The following ALKBH3 variants were observed in gnomAD, a reference collection of about 807,000 sequenced individuals.
The protein encoded by ALKBH3 is alpha-ketoglutarate-dependent dioxygenase alkB homolog 3.
Under a neutral mutation model 43.9 loss-of-function variants are expected in ALKBH3, and 51 were observed. That is an observed-to-expected ratio of 1.16 (90% CI 0.93 to 1.47). ALKBH3 has a LOEUF of 1.47. ALKBH3 is among the 40% of genes most tolerant of loss of function. The pLI is 0.00. For missense variants in ALKBH3, 361 were observed against 351.9 expected (o/e 1.03, Z -0.21); for synonymous variants, 102 against 115.2 (o/e 0.89, Z 0.73).
At chr11:43,884,050 C>T in intron 4 of ALKBH3, 33 bp downstream of exon 4, 2 of 1,612,556 alleles carry the variant, frequency 1.2e-6, no homozygotes, top group Non-Finnish European at 8.5e-7. Flanking sequence ...GTAATTGTTG[C>T]CCACAGTGAA....
chr11:43,896,611 G>T (rs964196332), intron 7 of ALKBH3, among the ~76,000 whole-genome samples: 2 of 152,088 alleles, frequency 1.3e-5, no homozygotes. Flanking sequence ...ATCTCTTTTT[G>T]CAACACCCTC....
At chr11:43,907,220 TGTGTGTGTGC>T (rs1951902017) in intron 8 of ALKBH3, among the ~76,000 whole-genome samples, 1 of 151,898 alleles carries the variant, frequency 6.6e-6, no homozygotes, top group African/African-American at 2.4e-5. Flanking sequence ...AGAGTGTGTG[TGTGTGTGTGC>T]GTGTGTGTGT....
Position 43,882,598 on chromosome 11 carries a change from T to A in ALKBH3, c.-55T>A, listed in dbSNP as rs578010060. ...TAATAAACAGATACCATGGAGTAGT[T>A]TGAAACAGGAACAAAATCTTCTGAA... On this transcript the variant is annotated 5_prime_UTR_variant, in exon 2 of 10. It adds an upstream start codon to the 5' untranslated region. Transcript: ENST00000302708. The A allele has an allele frequency of 3.7e-5, 57 of 1,553,228 alleles. No individual in the cohort carries two copies. The Admixed American group carries it at 7.8e-4, about 21-fold the overall frequency.
intron 8 of ALKBH3, among the ~76,000 whole-genome samples, chr11:43,911,309 G>T (rs182447026): frequency 2.6e-5 from 4 of 152,160 alleles, no homozygotes; most frequent in Non-Finnish European, 5.9e-5. Flanking sequence ...TAGATGTGGG[G>T]GTAAGGATCC....
intron 8 of ALKBH3, among the ~76,000 whole-genome samples, chr11:43,915,049 T>C (rs12223973): frequency 6.7e-6 from 1 of 149,636 alleles, no homozygotes; most frequent in Non-Finnish European, 1.5e-5. Context: ...CTACTAAAAA[T>C]AAAAAAAAAT....
chr11:43,913,143 G>A (rs1318020842), intron 8 of ALKBH3, among the ~76,000 whole-genome samples: 1 of 149,958 alleles, frequency 6.7e-6, no homozygotes, highest in African/African-American at 2.5e-5. Context: ...CGACAAACTT[G>A]GTCATGGTAC....
chr11:43,902,344 TATA>T (rs1951869109), intron 8 of ALKBH3, among the ~76,000 whole-genome samples: 1 of 152,186 alleles, frequency 6.6e-6, no homozygotes, highest in African/African-American at 2.4e-5. Context: ...TTAATAACGA[TATA>T]ATAACTTCAG....
At chr11:43,905,917 G>C (rs1210334559) in intron 8 of ALKBH3, among the ~76,000 whole-genome samples, 1 of 152,200 alleles carries the variant, frequency 6.6e-6, no homozygotes, top group Non-Finnish European at 1.5e-5. Context: ...CTATTTCTCT[G>C]TCGGTTACCA....
At chr11:43,893,253 G>A (rs1028388719) in intron 7 of ALKBH3, among the ~76,000 whole-genome samples, 47 of 152,260 alleles carry the variant, frequency 3.1e-4, no homozygotes, top group African/African-American at 1.1e-3. Context: ...CCCTTGCATT[G>A]TAGGATGTTT....
chr11:43,886,679 C>G (rs1189533350), intron 5 of ALKBH3, 26 bp downstream of exon 5: 2 of 1,606,954 alleles, frequency 1.2e-6, no homozygotes, highest in Non-Finnish European at 1.7e-6. Flanking sequence ...CAAGAAGTGA[C>G]CGTAATTATC....
In ALKBH3 at chr11:43,883,990, G is replaced by T. The variant is rs147054520; in HGVS notation, c.191G>T (p.Arg64Leu). 6.2e-7 allele frequency: 1 copy of T among 1,613,714 alleles called. No individual in the cohort carries two copies. Among genetic ancestry groups the T allele is most frequent in the African/African-American group, 1.3e-5 (1 of 74,892 alleles). Residue 64 changes from arginine to leucine, a missense_variant, in exon 4 of 10, where the codon CGT (arginine) becomes CTT (leucine). Coordinates refer to ENST00000302708, the MANE Select transcript of ALKBH3 (RefSeq NM_139178.4). Reference sequence around the variant, plus strand: ...CCGCCTATTTCCTTGCAGGTAGTACGTAGAGCTCCTGAGCCACGAGTGATT... The same window carrying T: ...CCGCCTATTTCCTTGCAGGTAGTACTTAGAGCTCCTGAGCCACGAGTGATT... The part of the protein sequence containing the change: ...FVFKEPQQVV[R>L]RAPEPRVIDR...
At chr11:43,882,862 T>TA in intron 2 of ALKBH3, 131 bp downstream of exon 2, 6 of 1,134,616 alleles carry the variant, frequency 5.3e-6, no homozygotes, top group Non-Finnish European at 7.4e-6. Context: ...ATGTGGCTGA[T>TA]ATTTTGTCCG....
intron 8 of ALKBH3, among the ~76,000 whole-genome samples, chr11:43,902,228 C>T (rs1215721716): frequency 6.6e-6 from 1 of 152,070 alleles, no homozygotes; most frequent in Non-Finnish European, 1.5e-5. Flanking sequence ...TTAGCCTTCT[C>T]CTGAAATACA....
intron 6 of ALKBH3, 22 bp downstream of exon 6, chr11:43,889,850 CAGTT>C: frequency 6.3e-7 from 1 of 1,579,246 alleles, no homozygotes; most frequent in Non-Finnish European, 8.7e-7. Flanking sequence ...CCAGAGGTCA[CAGTT>C]GGTGCTGCGT....
chr11:43,890,418 C>T (rs550984839), intron 6 of ALKBH3, among the ~76,000 whole-genome samples: 17 of 152,178 alleles, frequency 1.1e-4, no homozygotes, highest in African/African-American at 3.9e-4. Context: ...CACTTGGGGG[C>T]GTCTGTACTC....
At chr11:43,897,900 A>T (rs1239133704) in intron 7 of ALKBH3, 3 of 782,098 alleles carry the variant, frequency 3.8e-6, no homozygotes, top group Admixed American at 1.7e-5. Flanking sequence ...CAGCAATATT[A>T]AAAAAAGGAA....
Position 43,886,705 on chromosome 11 carries a change from C to T in ALKBH3, c.266+52C>T, listed in dbSNP as rs768576580. 2.9e-5 allele frequency: 45 copies of T among 1,564,498 alleles called. No homozygotes were observed. In the Middle Eastern group the frequency reaches 6.7e-4, roughly 23 times the overall value. On this transcript the variant is annotated intron_variant, in intron 5 of 9. Coordinates refer to ENST00000302708, the MANE Select transcript of ALKBH3 (RefSeq NM_139178.4). ...CGTAATTATCACTGAGTTATAGTCT[C>T]TTAAAATAGTTTACTCCCCTAGAGA...
chr11:43,893,226 C>A (rs1305961323), intron 7 of ALKBH3, among the ~76,000 whole-genome samples: 1 of 152,154 alleles, frequency 6.6e-6, no homozygotes, highest in Non-Finnish European at 1.5e-5. Context: ...CTGGATAATT[C>A]TTTCTTGTGG....
chr11:43,883,913 A>G (rs1951730664), intron 3 of ALKBH3, 70 bp from the exon 4 acceptor site: 2 of 1,564,328 alleles, frequency 1.3e-6, no homozygotes, highest in Admixed American at 1.8e-5. Flanking sequence ...AGAAATGGGA[A>G]GATATGGTAA....
Sources: gnomAD v4.1 joint callset for allele counts (sites outside exome capture counted in the v4.1 genomes callset) on GRCh38, gnomAD v4.1.1 for gene constraint, MANE v1.5 for transcripts, NCBI Gene and HGNC (gene_info 2026-07-23, HGNC 2026-07-21) for gene names.